BTBD10: variants seen among roughly 807,000 people sequenced by gnomAD.
The protein encoded by BTBD10 is BTB/POZ domain-containing protein 10.
Under a neutral mutation model 53.2 loss-of-function variants are expected in BTBD10, and 21 were observed. The ratio of observed to expected loss-of-function variants is 0.39; its 90% CI spans 0.28 to 0.57. The LOEUF (loss-of-function observed/expected upper bound fraction) is 0.57. Among genes scored for constraint, BTBD10 ranks in the 20% least tolerant of loss-of-function variants. BTBD10 has a pLI of 0.53. For synonymous variants in BTBD10, 149 were observed against 192.7 expected (o/e 0.77, Z 1.88); for missense variants, 360 against 594.7 (o/e 0.61, Z 4.10).
chr11:13,453,443 C>T (rs1282724363), intron 1 of BTBD10, among the ~76,000 whole-genome samples: 1 of 152,004 alleles, frequency 6.6e-6, no homozygotes, highest in Middle Eastern at 3.2e-3. Flanking sequence ...TGTTGTATCC[C>T]TTCATACTAC....
intron 8 of BTBD10, among the ~76,000 whole-genome samples, chr11:13,390,742 C>T (rs1949387239): frequency 6.6e-6 from 1 of 152,186 alleles, no homozygotes; most frequent in African/African-American, 2.4e-5. Context: ...ATAGAATGGT[C>T]TCACATAGTA....
intron 4 of BTBD10, 77 bp downstream of exon 4, chr11:13,419,383 G>A: frequency 2.0e-6 from 3 of 1,536,318 alleles, no homozygotes; most frequent in East Asian, 2.3e-5. Context: ...GAGAATTACT[G>A]TAAAACTTAA....
At chr11:13,447,265 C>G (rs1950766923) in intron 1 of BTBD10, among the ~76,000 whole-genome samples, 1 of 152,090 alleles carries the variant, frequency 6.6e-6, no homozygotes, top group Admixed American at 6.6e-5. Context: ...GGCACCCAGC[C>G]GTTTCTTTCG....
chr11:13,423,536 C>T (rs1005011982), intron 2 of BTBD10, among the ~76,000 whole-genome samples: 3 of 152,188 alleles, frequency 2.0e-5, no homozygotes, highest in African/African-American at 7.2e-5. Flanking sequence ...CAGGGTCACA[C>T]AGCATTTAGT....
Position 13,403,286 on chromosome 11 carries a change from C to T in BTBD10, c.1007-8G>A, listed in dbSNP as rs1208928461. On this transcript the variant is annotated splice_polypyrimidine_tract_variant and splice_region_variant and intron_variant, in intron 7 of 8. Transcript: ENST00000278174. ...ATTTTGTGCTATAAATAACTAGAAACAAAAAGAAAAATATTATTGTATTAA... is the reference window on the plus strand; with the variant it reads ...ATTTTGTGCTATAAATAACTAGAAATAAAAAGAAAAATATTATTGTATTAA... 2 of 1,316,324 alleles carry T rather than the reference C, an allele frequency of 1.5e-6. No homozygotes were observed. Among genetic ancestry groups the T allele is most frequent in the Non-Finnish European group, 2.1e-6 (2 of 961,902 alleles). The allele number at this position is 1,316,324 out of a possible 1,614,324, so 81.5% of individuals were successfully genotyped here.
chr11:13,438,084 T>C (rs1161157115), intron 2 of BTBD10, among the ~76,000 whole-genome samples: 1 of 152,154 alleles, frequency 6.6e-6, no homozygotes, highest in African/African-American at 2.4e-5. Context: ...CTTCAAGAGC[T>C]AGATTTTTCC....
In BTBD10 at chr11:13,442,710, C is replaced by T. The variant is rs764825816; in HGVS notation, c.101+2314G>A. ...CTTATTGTCCTCTAATAGTTCCATGCGTGGATACTAAACTATTCCATAACA... is the reference window on the plus strand; with the variant it reads ...CTTATTGTCCTCTAATAGTTCCATGTGTGGATACTAAACTATTCCATAACA... On this transcript the variant is annotated intron_variant, in intron 2 of 8. Coordinates refer to ENST00000278174, the MANE Select transcript of BTBD10 (RefSeq NM_032320.7). Among the ~76,000 whole-genome samples the T allele has an allele frequency of 3.3e-5, 5 of 152,122 alleles. No individual in the cohort carries two copies. In the East Asian group the frequency reaches 5.8e-4, roughly 18 times the overall value.
intron 8 of BTBD10, among the ~76,000 whole-genome samples, chr11:13,390,355 T>G (rs978513248): frequency 6.6e-6 from 1 of 151,722 alleles, no homozygotes; most frequent in Non-Finnish European, 1.5e-5. Context: ...TGTTTTTCTT[T>G]TTTTTTTTTG....
chr11:13,403,302 A>T, intron 7 of BTBD10, 24 bp from the exon 8 acceptor site: 3 of 1,233,300 alleles, frequency 2.4e-6, no homozygotes, highest in Non-Finnish European at 2.3e-6. Flanking sequence ...GAAAAATATT[A>T]TTGTATTAAA....
chr11:13,410,828 A>G (rs887685287), intron 6 of BTBD10, among the ~76,000 whole-genome samples: 3 of 152,228 alleles, frequency 2.0e-5, no homozygotes, highest in African/African-American at 7.2e-5. Flanking sequence ...ACAAGACCAG[A>G]GCAGAAACTA....
intron 2 of BTBD10, chr11:13,440,172 T>A (rs1196161773): frequency 8.2e-6 from 12 of 1,469,714 alleles, no homozygotes; most frequent in Non-Finnish European, 1.1e-5. Flanking sequence ...GCTTTAAATA[T>A]TCAGAGATAC....
Position 13,388,961 on chromosome 11 carries a change from G to A in BTBD10, c.1298C>T (p.Ala433Val). Residue 433 changes from alanine (A) to valine (V), a missense_variant, in exon 9 of 9, where the codon GCA (alanine) becomes GTA (valine). Physicochemically the swap from Ala to Val is moderately conservative, Grantham distance 64. Transcript: ENST00000278174. ...KSITNLAAAA[A>V]DIPQDQLVVM... ...TACCAGCTGGTCCTGGGGAATGTCT[G>A]CTGCAGCTGCTGCAAGATTGGTGAT... is the stretch of plus-strand genomic sequence containing the variant. 1 of 1,614,210 alleles carries A rather than the reference G, an allele frequency of 6.2e-7. No homozygotes were observed. Among genetic ancestry groups the A allele is most frequent in the Non-Finnish European group, 8.5e-7 (1 of 1,180,036 alleles).
intron 2 of BTBD10, among the ~76,000 whole-genome samples, chr11:13,424,384 C>T (rs1423880885): frequency 6.6e-6 from 1 of 152,176 alleles, no homozygotes; most frequent in East Asian, 1.9e-4. Context: ...AGATTTTAAA[C>T]GAATTCAAAA....
chr11:13,444,453 C>G (rs544497272), intron 2 of BTBD10, among the ~76,000 whole-genome samples: 64 of 152,156 alleles, frequency 4.2e-4, no homozygotes, highest in Middle Eastern at 6.8e-3. Flanking sequence ...TTAAGTTACA[C>G]AGCAGAAAAT....
At chr11:13,459,844 C>T (rs1465963795) in intron 1 of BTBD10, 1 of 152,160 alleles carries the variant, frequency 6.6e-6, no homozygotes, top group African/African-American at 2.4e-5. Flanking sequence ...CTTAGCCTCC[C>T]CTGATCCTCC....
At chr11:13,449,928 T>C (rs1309479242) in intron 1 of BTBD10, among the ~76,000 whole-genome samples, 5 of 152,174 alleles carry the variant, frequency 3.3e-5, no homozygotes, top group Non-Finnish European at 4.4e-5. Context: ...ACTTTTACAA[T>C]GGGGATAAAG....
chr11:13,453,169 T>C (rs1271337545), intron 1 of BTBD10, among the ~76,000 whole-genome samples: 1 of 151,976 alleles, frequency 6.6e-6, no homozygotes. Flanking sequence ...AAAAATAAGA[T>C]ATATAGATAC....
chr11:13,412,323 G>A (rs1949974706), intron 6 of BTBD10, among the ~76,000 whole-genome samples: 1 of 151,980 alleles, frequency 6.6e-6, no homozygotes, highest in Non-Finnish European at 1.5e-5. Context: ...TGTGGTGATG[G>A]GTGCCTGTAA....
rs1164988445 is a variant in BTBD10 at position 13,421,939 on chromosome 11, G to A, written c.102-101C>T. Reference sequence around the variant, plus strand: ...TAACAAAAAACTAGTATCTTGAAGTGCAAAAATCAAATGCTACTTTCTAAT... The same window carrying A: ...TAACAAAAAACTAGTATCTTGAAGTACAAAAATCAAATGCTACTTTCTAAT... On this transcript the variant is annotated intron_variant, in intron 2 of 8. Coordinates refer to ENST00000278174, the MANE Select transcript of BTBD10 (RefSeq NM_032320.7). The A allele has an allele frequency of 3.0e-5, 27 of 887,158 alleles. No homozygotes were observed. The East Asian group carries it at 7.3e-4, about 24-fold the overall frequency. 55.0% of individuals were successfully genotyped at this position (887,158 alleles called of 1,614,324 possible). A position where few individuals can be genotyped will look rare whatever the true frequency, so the allele number is the denominator to read the frequency against.
Sources: allele counts gnomAD v4.1 joint callset (sites outside exome capture counted in the v4.1 genomes callset), GRCh38; gene constraint gnomAD v4.1.1; transcripts MANE v1.5; gene names NCBI Gene and HGNC (gene_info 2026-07-23, HGNC 2026-07-21).